The following XYLT1 variants were observed in gnomAD, a reference collection of about 807,000 sequenced individuals.
XYLT1 encodes beta-D-xylosyltransferase 1.
In XYLT1, 36 loss-of-function variants were observed where a neutral mutation model predicts 91.3. The ratio of observed to expected loss-of-function variants is 0.39; its 90% CI spans 0.30 to 0.52. The LOEUF (loss-of-function observed/expected upper bound fraction) is 0.52, where lower values mean the gene tolerates loss of function less well. Ranked by LOEUF, XYLT1 falls within the 20% of genes least tolerant of loss-of-function variation. XYLT1 has a pLI of 0.68. For missense variants in XYLT1, 1,242 were observed against 1,284.5 expected (o/e 0.97, Z 0.51); for synonymous variants, 588 against 532.0 (o/e 1.11, Z -1.45).
intron 1 of XYLT1, among the ~76,000 whole-genome samples, chr16:17,420,992 T>C (rs1366907830): frequency 6.6e-6 from 1 of 152,178 alleles, no homozygotes; most frequent in Non-Finnish European, 1.5e-5. Context: ...AGTCAACCAC[T>C]CTTGCACCAC....
chr16:17,233,897 G>A (rs923669285), intron 3 of XYLT1, among the ~76,000 whole-genome samples: 18 of 152,232 alleles, frequency 1.2e-4, no homozygotes, highest in East Asian at 1.9e-4. Context: ...CTGGTTAAGC[G>A]CACGTGCTTG....
At chr16:17,307,995 A>G (rs1034379403) in intron 2 of XYLT1, among the ~76,000 whole-genome samples, 1 of 152,202 alleles carries the variant, frequency 6.6e-6, no homozygotes, top group African/African-American at 2.4e-5. Flanking sequence ...CTGCAGATCC[A>G]TTCCCCACTC....
chr16:17,277,081 G>C (rs2033988476), intron 2 of XYLT1, among the ~76,000 whole-genome samples: 1 of 152,224 alleles, frequency 6.6e-6, no homozygotes, highest in Non-Finnish European at 1.5e-5. Context: ...AAGACAGACA[G>C]ATGCCTGCTC....
chr16:17,345,190 C>T (rs928292877), intron 2 of XYLT1, among the ~76,000 whole-genome samples: 3 of 152,220 alleles, frequency 2.0e-5, no homozygotes, highest in African/African-American at 7.2e-5. Context: ...TTCTGGGCTT[C>T]ACTCATGTGG....
chr16:17,439,310 T>C (rs773104911), intron 1 of XYLT1, among the ~76,000 whole-genome samples: 6 of 152,168 alleles, frequency 3.9e-5, no homozygotes, highest in Admixed American at 2.6e-4. Context: ...CCAAACAAAG[T>C]TGACGGACAG....
intron 5 of XYLT1, among the ~76,000 whole-genome samples, chr16:17,191,619 G>A (rs1366425568): frequency 6.6e-6 from 1 of 152,210 alleles, no homozygotes; most frequent in African/African-American, 2.4e-5. Context: ...TGTTAGTCTG[G>A]GGGTTAGTCT....
chr16:17,222,745 G>A (rs967847794), intron 3 of XYLT1, among the ~76,000 whole-genome samples: 10 of 146,660 alleles, frequency 6.8e-5, no homozygotes, highest in East Asian at 4.0e-4. Context: ...AGCCGGGATC[G>A]TGCCACAGCA....
chr16:17,450,633 G>A (rs540908159), intron 1 of XYLT1, among the ~76,000 whole-genome samples: 2 of 152,316 alleles, frequency 1.3e-5, no homozygotes, highest in Non-Finnish European at 2.9e-5. Flanking sequence ...GAACCTGAAA[G>A]GCAGGCAGCC....
At chr16:17,217,458 G>A (rs776464550) in intron 3 of XYLT1, among the ~76,000 whole-genome samples, 51 of 152,132 alleles carry the variant, frequency 3.4e-4, no homozygotes, top group Admixed American at 2.8e-3. Flanking sequence ...ATGCACTCAC[G>A]TTATATATAA....
intron 2 of XYLT1, among the ~76,000 whole-genome samples, chr16:17,317,854 G>A (rs555261763): frequency 2.6e-5 from 4 of 151,988 alleles, no homozygotes; most frequent in African/African-American, 7.3e-5. Flanking sequence ...CCACCACGGC[G>A]AGCTCATTCC....
At chr16:17,176,354 C>T (rs2031944007) in intron 5 of XYLT1, among the ~76,000 whole-genome samples, 1 of 152,242 alleles carries the variant, frequency 6.6e-6, no homozygotes, top group Non-Finnish European at 1.5e-5. Context: ...ACACATTTCA[C>T]AGCTTCATCC....
intron 1 of XYLT1, among the ~76,000 whole-genome samples, chr16:17,404,534 TTCA>T (rs1231002596): frequency 1.3e-5 from 2 of 152,174 alleles, no homozygotes; most frequent in Admixed American, 1.3e-4. Flanking sequence ...CTGATGGGAA[TTCA>T]TCACATGGTG....
chr16:17,295,489 G>A (rs1010249460), intron 2 of XYLT1, among the ~76,000 whole-genome samples: 1 of 152,034 alleles, frequency 6.6e-6, no homozygotes, highest in Non-Finnish European at 1.5e-5. Context: ...CAGAGTAGCC[G>A]GGATTACAGG....
intron 1 of XYLT1, among the ~76,000 whole-genome samples, chr16:17,379,854 TCCAAAGACCA>T (rs1355822183): frequency 2.6e-5 from 4 of 151,838 alleles, no homozygotes; most frequent in Non-Finnish European, 5.9e-5. Flanking sequence ...TACTGGTCTT[TCCAAAGACCA>T]TCATTTGTAT....
At position 17,348,690 on chromosome 16, in the gene XYLT1, G is replaced by T. The variant is rs542190622; in HGVS notation, c.402+9322C>A. On this transcript the variant is annotated intron_variant, in intron 2 of 11. Coordinates refer to ENST00000261381, the MANE Select transcript of XYLT1 (RefSeq NM_022166.4). Reference sequence around the variant, plus strand: ...TTCCCCAAGTTTGGGCCTTGTCTACGGATTTTTACATCCCTCATACACCTG... The same window carrying T: ...TTCCCCAAGTTTGGGCCTTGTCTACTGATTTTTACATCCCTCATACACCTG... Among the ~76,000 whole-genome samples, 43 of 152,260 alleles carry T rather than the reference G, an allele frequency of 2.8e-4. 2 individuals are homozygous for T. The South Asian group carries it at 8.1e-3, about 29-fold the overall frequency.
chr16:17,167,402 C>T (rs2031715496), intron 5 of XYLT1, among the ~76,000 whole-genome samples: 1 of 152,228 alleles, frequency 6.6e-6, no homozygotes, highest in Non-Finnish European at 1.5e-5. Flanking sequence ...TTTCCTCCTC[C>T]CCCTGCCTCA....
chr16:17,196,728 G>A (rs2032433141), intron 5 of XYLT1, among the ~76,000 whole-genome samples: 1 of 152,038 alleles, frequency 6.6e-6, no homozygotes, highest in African/African-American at 2.4e-5. Context: ...ACCCTTGTCA[G>A]CAAATCCAGA....
intron 5 of XYLT1, among the ~76,000 whole-genome samples, chr16:17,169,816 C>T (rs190483622): frequency 2.0e-4 from 30 of 152,268 alleles, no homozygotes; most frequent in African/African-American, 7.0e-4. Context: ...TTCTGCATTC[C>T]CATACAATGA....
At chr16:17,135,370 A>G (rs1172297458) in intron 8 of XYLT1, among the ~76,000 whole-genome samples, 1 of 152,076 alleles carries the variant, frequency 6.6e-6, no homozygotes, top group Non-Finnish European at 1.5e-5. Context: ...GACTTTGAAA[A>G]ATTCAGATTC....
Sources: gnomAD v4.1 joint callset for allele counts (sites outside exome capture counted in the v4.1 genomes callset) on GRCh38, gnomAD v4.1.1 for gene constraint, MANE v1.5 for transcripts, NCBI Gene and HGNC (gene_info 2026-07-23, HGNC 2026-07-21) for gene names.